SERPINI1: variants seen among roughly 807,000 people sequenced by gnomAD.
The protein encoded by SERPINI1 is serpin family I member 1.
A neutral mutation model predicts 41.1 loss-of-function variants in SERPINI1; 19 were observed. That is an observed-to-expected ratio of 0.46 (90% CI 0.32 to 0.68). The LOEUF is 0.68. SERPINI1 is among the 30% of genes least tolerant of loss of function. The pLI, the probability that SERPINI1 is intolerant of heterozygous loss-of-function variation, is 0.03. For synonymous variants in SERPINI1, 138 were observed against 156.6 expected (o/e 0.88, Z 0.89); for missense variants, 460 against 479.2 (o/e 0.96, Z 0.37).
intron 1 of SERPINI1, among the ~76,000 whole-genome samples, chr3:167,742,686 G>A (rs886362076): frequency 2.0e-5 from 3 of 152,198 alleles, no homozygotes; most frequent in Admixed American, 6.5e-5. Context: ...TTCTGTGGTA[G>A]ATGGAGCAGG....
chr3:167,765,051 A>G (rs1318178933), intron 1 of SERPINI1, among the ~76,000 whole-genome samples: 2 of 152,140 alleles, frequency 1.3e-5, no homozygotes, highest in Admixed American at 1.3e-4. Context: ...GCTAGCATTG[A>G]GTGTCTGTGG....
intron 5 of SERPINI1, among the ~76,000 whole-genome samples, chr3:167,804,766 C>T (rs1711569448): frequency 6.6e-6 from 1 of 152,114 alleles, no homozygotes; most frequent in Non-Finnish European, 1.5e-5. Flanking sequence ...TTGCTTGAGC[C>T]TGGGGGTTCG....
intron 6 of SERPINI1, among the ~76,000 whole-genome samples, chr3:167,819,186 T>C (rs1287360180): frequency 6.6e-6 from 1 of 152,138 alleles, no homozygotes; most frequent in Non-Finnish European, 1.5e-5. Context: ...TAGTATTATT[T>C]TATTTTACAT....
chr3:167,747,871 A>G (rs1036422416), intron 1 of SERPINI1, among the ~76,000 whole-genome samples: 2 of 152,090 alleles, frequency 1.3e-5, no homozygotes, highest in African/African-American at 2.4e-5. Flanking sequence ...ACAGAACACC[A>G]TGAAAAATTA....
intron 1 of SERPINI1, among the ~76,000 whole-genome samples, chr3:167,784,922 C>T (rs1233814935): frequency 6.6e-6 from 1 of 152,040 alleles, no homozygotes; most frequent in East Asian, 1.9e-4. Context: ...TTCATAATGT[C>T]CTCTGTTAGA....
chr3:167,737,720 T>C (rs1041234234), intron 1 of SERPINI1, among the ~76,000 whole-genome samples: 2 of 152,164 alleles, frequency 1.3e-5, no homozygotes, highest in Non-Finnish European at 2.9e-5. Flanking sequence ...AAGAGTTTTA[T>C]TGGGAAACAG....
At chr3:167,782,558 T>C (rs566964953) in intron 1 of SERPINI1, among the ~76,000 whole-genome samples, 25 of 152,206 alleles carry the variant, frequency 1.6e-4, no homozygotes, top group Non-Finnish European at 3.2e-4. Context: ...AGGTGCTCAT[T>C]CTGATTATCT....
At position 167,796,499 on chromosome 3, in the gene SERPINI1, A is replaced by G. The variant is rs184659729; in HGVS notation, c.881+1675A>G. On this transcript the variant is annotated intron_variant, in intron 5 of 8. Coordinates refer to ENST00000446050, the MANE Select transcript of SERPINI1 (RefSeq NM_001122752.2). ...GCATGCGTTAGCTATTTATCCTGAT[A>G]CTCTCCCTCCCCGCAACCCCCTGAC... 7.3e-4 allele frequency among the ~76,000 whole-genome samples: 109 copies of G among 150,132 alleles called. 1 individual carries two copies. Among genetic ancestry groups the G allele is most frequent in the African/African-American group, 2.5e-3 (102 of 40,876 alleles).
At chr3:167,752,589 A>G (rs576400075) in intron 1 of SERPINI1, among the ~76,000 whole-genome samples, 1 of 152,178 alleles carries the variant, frequency 6.6e-6, no homozygotes, top group African/African-American at 2.4e-5. Context: ...GATTGTTACA[A>G]TAACCACCCA....
At chr3:167,820,480 C>T (rs1254065835) in intron 6 of SERPINI1, among the ~76,000 whole-genome samples, 5 of 152,204 alleles carry the variant, frequency 3.3e-5, no homozygotes, top group Admixed American at 6.5e-5. Flanking sequence ...TCCCTGATCC[C>T]GGAGACCACT....
chr3:167,785,208 C>T (rs1727267651), intron 1 of SERPINI1, among the ~76,000 whole-genome samples: 2 of 152,166 alleles, frequency 1.3e-5, no homozygotes, highest in Admixed American at 1.3e-4. Context: ...CTCACCACTG[C>T]ACTCCAGCCT....
intron 1 of SERPINI1, among the ~76,000 whole-genome samples, chr3:167,753,080 T>A (rs1468883731): frequency 6.6e-6 from 1 of 152,160 alleles, no homozygotes; most frequent in Non-Finnish European, 1.5e-5. Context: ...TTCACCTCCA[T>A]GTCCAGGGCC....
At chr3:167,759,976 C>T (rs1577403485) in intron 1 of SERPINI1, among the ~76,000 whole-genome samples, 1 of 152,182 alleles carries the variant, frequency 6.6e-6, no homozygotes, top group Non-Finnish European at 1.5e-5. Context: ...TATGTATGTA[C>T]GTATGTATAT....
At chr3:167,786,147 A>G (rs1309645271) in intron 1 of SERPINI1, among the ~76,000 whole-genome samples, 1 of 152,228 alleles carries the variant, frequency 6.6e-6, no homozygotes, top group South Asian at 2.1e-4. Flanking sequence ...CAGAAAAGGA[A>G]TAGTGAAATA....
chr3:167,738,067 A>G (rs906324081), intron 1 of SERPINI1, among the ~76,000 whole-genome samples: 1 of 152,146 alleles, frequency 6.6e-6, no homozygotes, highest in African/African-American at 2.4e-5. Flanking sequence ...ATTCAATCTC[A>G]GGTAATCTGA....
At chr3:167,739,276 G>C (rs1725588671) in intron 1 of SERPINI1, among the ~76,000 whole-genome samples, 1 of 152,086 alleles carries the variant, frequency 6.6e-6, no homozygotes, top group African/African-American at 2.4e-5. Flanking sequence ...TAAAGAAATT[G>C]AGTAACCAGT....
intron 1 of SERPINI1, among the ~76,000 whole-genome samples, chr3:167,765,790 G>C (rs1345277504): frequency 6.6e-6 from 1 of 152,128 alleles, no homozygotes; most frequent in East Asian, 1.9e-4. Context: ...ATGCTTTGCT[G>C]CTTAGAAATT....
intron 1 of SERPINI1, among the ~76,000 whole-genome samples, chr3:167,737,190 G>A (rs1365391579): frequency 6.6e-6 from 1 of 152,004 alleles, no homozygotes; most frequent in Non-Finnish European, 1.5e-5. Context: ...CCTACTGAGT[G>A]CTACTACCGA....
intron 5 of SERPINI1, among the ~76,000 whole-genome samples, chr3:167,800,864 T>C (rs1278757090): frequency 2.6e-5 from 4 of 152,168 alleles, no homozygotes; most frequent in African/African-American, 4.8e-5. Context: ...TGGAATGCAA[T>C]GGCATGGTCT....
Sources: gnomAD v4.1 joint callset for allele counts (sites outside exome capture counted in the v4.1 genomes callset) on GRCh38, gnomAD v4.1.1 for gene constraint, MANE v1.5 for transcripts, NCBI Gene and HGNC (gene_info 2026-07-23, HGNC 2026-07-21) for gene names.